The following ORC3 variants were observed in gnomAD, a reference collection of about 807,000 sequenced individuals.
ORC3 encodes the protein origin recognition complex subunit 3, also known as homolog of latheo, Drosophila.
A neutral mutation model predicts 100.7 loss-of-function variants in ORC3; 78 were observed. The observed-to-expected ratio is 0.77, with a 90% confidence interval of 0.65 to 0.94. The LOEUF (loss-of-function observed/expected upper bound fraction) is 0.94. Among genes scored for constraint, ORC3 ranks in the 40% least tolerant of loss-of-function variants. The pLI is 0.00. For synonymous variants in ORC3, 295 were observed against 289.3 expected (o/e 1.02, Z -0.20); for missense variants, 789 against 823.9 (o/e 0.96, Z 0.52).
intron 16 of ORC3, among the ~76,000 whole-genome samples, chr6:87,659,058 ATTTTTT>A (rs71021316): frequency 1.1e-5 from 1 of 93,276 alleles, no homozygotes; most frequent in African/African-American, 5.0e-5. Context: ...GTTTATTGTA[ATTTTTT>A]TTTTTTTTTT....
chr6:87,602,905 T>TAATA, intron 3 of ORC3, among the ~76,000 whole-genome samples: 1 of 133,134 alleles, frequency 7.5e-6, no homozygotes, highest in South Asian at 2.3e-4. Context: ...CATATATATA[T>TAATA]TATATATTAT....
chr6:87,666,047 A>G, intron 19 of ORC3, among the ~76,000 whole-genome samples: 1 of 152,252 alleles, frequency 6.6e-6, no homozygotes, highest in Non-Finnish European at 1.5e-5. Context: ...TTTTGGTATC[A>G]AATTTATATC....
the ORC3 span, among the ~76,000 whole-genome samples, chr6:87,677,106 A>G: frequency 0.012 from 1,866 of 152,134 alleles, 40 homozygotes; most frequent in African/African-American, 0.041. Context: ...AATTAAAAAC[A>G]AAGGACTTTC....
rs1170044076 is a variant in ORC3, at chr6:87,663,063, C to CG, written c.1752_1753insG (p.His585AlafsTer5). The CG allele has an allele frequency of 1.9e-6, 3 of 1,612,352 alleles. No homozygotes were observed. Among genetic ancestry groups the CG allele is most frequent in the Non-Finnish European group, 1.7e-6 (2 of 1,178,670 alleles). ...ATGAGGTGGTGTACTTCAGTGCTGC[C>CG]CATGCCCTTCGTGAGCATTTAAATG... On this transcript the variant is annotated frameshift_variant, in exon 17 of 20. Coordinates refer to ENST00000392844, the MANE Select transcript of ORC3 (RefSeq NM_012381.4). LOFTEE classifies it high-confidence loss of function.
intron 9 of ORC3, among the ~76,000 whole-genome samples, chr6:87,620,618 T>C (rs1396877090): frequency 6.6e-6 from 1 of 152,194 alleles, no homozygotes; most frequent in African/African-American, 2.4e-5. Flanking sequence ...ACCAAACTGG[T>C]CAAGCAAAGT....
chr6:87,633,044 T>C (rs770255968), intron 11 of ORC3, among the ~76,000 whole-genome samples: 8 of 152,164 alleles, frequency 5.3e-5, no homozygotes, highest in Non-Finnish European at 8.8e-5. Context: ...TGCCCTATAG[T>C]GGGTAAAGTA....
At chr6:87,625,006 C>T (rs928187327) in intron 11 of ORC3, among the ~76,000 whole-genome samples, 2 of 152,102 alleles carry the variant, frequency 1.3e-5, no homozygotes, top group Non-Finnish European at 2.9e-5. Context: ...CATCCATGTC[C>T]CTGCAAAGGA....
intron 8 of ORC3, among the ~76,000 whole-genome samples, chr6:87,613,579 C>T (rs908355709): frequency 1.3e-5 from 2 of 152,192 alleles, no homozygotes; most frequent in African/African-American, 4.8e-5. Flanking sequence ...AGGCAAGTCC[C>T]TTCTGCCTAT....
the ORC3 span, among the ~76,000 whole-genome samples, chr6:87,676,520 G>A: frequency 0.08 from 11,740 of 145,980 alleles, 548 homozygotes; most frequent in African/African-American, 0.11. Flanking sequence ...ACTTTGGGAC[G>A]CCGAGGCGGG....
rs114907552 is a variant in ORC3 at position 87,590,816 on chromosome 6, T to A, written c.24+624T>A. On this transcript the variant is annotated intron_variant, in intron 1 of 19. Transcript: ENST00000392844. ...GAAATAAAATGGCATATTAGAGGAATTTAAAAATCATAATCAGAAAGTAGA... is the reference window on the plus strand; with the variant it reads ...GAAATAAAATGGCATATTAGAGGAAATTAAAAATCATAATCAGAAAGTAGA... Among the ~76,000 whole-genome samples the A allele has an allele frequency of 2.5e-3, 383 of 152,140 alleles. 1 individual carries two copies. The highest frequency in any genetic ancestry group is 8.7e-3 in the African/African-American group (361 of 41,482).
chr6:87,635,655 G>A (rs1043149061), intron 12 of ORC3, among the ~76,000 whole-genome samples: 14 of 151,940 alleles, frequency 9.2e-5, no homozygotes, highest in African/African-American at 1.7e-4. Context: ...AAATTAGCCC[G>A]GCGTGGTGGC....
chr6:87,590,173 C>T lies in ORC3; in HGVS notation c.5C>T (p.Ala2Val). The T allele has an allele frequency of 6.2e-7, 1 of 1,614,146 alleles. No individual in the cohort carries two copies. The highest frequency in any genetic ancestry group is 8.5e-7 in the Non-Finnish European group (1 of 1,179,926). Residue 2 changes from alanine (A) to valine (V), a missense_variant, in exon 1 of 20, where the codon GCT (alanine) becomes GTT (valine). Transcript: ENST00000392844. ...ATACGCAGAGTCAGTAAGACCATGG[C>T]TACGTCCTCGATGTCTAAGGTATGT... M[A>V]TSSMSKGCFV...
chr6:87,594,267 G>A (rs1200444740), intron 1 of ORC3, 86 bp from the exon 2 acceptor site: 9 of 887,192 alleles, frequency 1.0e-5, no homozygotes, highest in African/African-American at 1.7e-5. Context: ...TTTTAAAAAA[G>A]TGCTTACCCA....
chr6:87,671,199 G>A (rs549846863), downstream of ORC3, among the ~76,000 whole-genome samples: 3 of 152,238 alleles, frequency 2.0e-5, no homozygotes, highest in East Asian at 3.9e-4. Flanking sequence ...AATAGGATGG[G>A]TGAGAGGAGA....
In ORC3 at chr6:87,653,107, C is replaced by T. The variant is rs1769403197; in HGVS notation, c.1383-9C>T. 1 of 1,575,536 alleles carries T rather than the reference C, an allele frequency of 6.3e-7. No homozygotes were observed. The highest frequency in any genetic ancestry group is 8.6e-7 in the Non-Finnish European group (1 of 1,158,248). On this transcript the variant is annotated splice_polypyrimidine_tract_variant and intron_variant, in intron 13 of 19. Coordinates refer to ENST00000392844, the MANE Select transcript of ORC3 (RefSeq NM_012381.4). ...TATATTACATTTCCTGTCACTGACT[C>T]TGTTCTAGGATGTTGGCAAAGGATG...
chr6:87,623,960 T>G (rs1779712170), intron 11 of ORC3, among the ~76,000 whole-genome samples: 1 of 152,208 alleles, frequency 6.6e-6, no homozygotes, highest in South Asian at 2.1e-4. Flanking sequence ...TTACATATTT[T>G]CTTAGCATTT....
intron 9 of ORC3, among the ~76,000 whole-genome samples, chr6:87,620,526 T>C (rs1259081717): frequency 6.6e-6 from 1 of 152,176 alleles, no homozygotes; most frequent in Non-Finnish European, 1.5e-5. Flanking sequence ...CCCAAACAAA[T>C]ACCTTAAGAT....
chr6:87,656,817 G>A (rs1769739335), intron 14 of ORC3, 89 bp from the exon 15 acceptor site: 1 of 800,502 alleles, frequency 1.2e-6, no homozygotes, highest in Admixed American at 2.4e-5. Flanking sequence ...ATATATAGGT[G>A]AAACTTTTAC....
intron 10 of ORC3, 130 bp downstream of exon 10, chr6:87,621,617 C>T (rs200607575): frequency 7.0e-6 from 1 of 143,404 alleles, no homozygotes; most frequent in Non-Finnish European, 9.7e-6. Flanking sequence ...TGTGGGATTT[C>T]CCTTGTTGGA....
Sources: allele counts gnomAD v4.1 joint callset (sites outside exome capture counted in the v4.1 genomes callset), GRCh38; gene constraint gnomAD v4.1.1; transcripts MANE v1.5; gene names NCBI Gene and HGNC (gene_info 2026-07-23, HGNC 2026-07-21).